STK32A: variants seen among roughly 807,000 people sequenced by gnomAD.
STK32A encodes serine/threonine kinase 32A, also known as serine/threonine-protein kinase 32A.
STK32A carries 41 observed loss-of-function variants against 53.2 expected under a neutral mutation model. The observed-to-expected ratio is 0.77, with a 90% CI of 0.60 to 1.00. STK32A has a LOEUF of 1.00. Ranked by LOEUF, STK32A falls within the 50% of genes least tolerant of loss-of-function variation. The pLI, the probability that STK32A is intolerant of heterozygous loss-of-function variation, is 0.00. For missense variants in STK32A, 458 were observed against 485.8 expected (o/e 0.94, Z 0.54); for synonymous variants, 166 against 162.8 (o/e 1.02, Z -0.15).
Position 147,278,191 on chromosome 5 carries a change from T to C in STK32A, c.108+12T>C, listed in dbSNP as rs1408741589. ...GCAGTTTTGGGAAGGTGAGAACAAA[T>C]TGAAATGATTAACCACCAGCAGGGT... On this transcript the variant is annotated intron_variant, in intron 3 of 12. Coordinates refer to ENST00000397936, the MANE Select transcript of STK32A (RefSeq NM_001112724.2). The C allele has an allele frequency of 4.4e-6, 7 of 1,588,542 alleles. No individual in the cohort carries two copies. The highest frequency in any genetic ancestry group is 5.1e-6 in the Non-Finnish European group (6 of 1,165,806).
In STK32A at chr5:147,314,522, AAAAAC is replaced by A. The variant is rs1561713486; in HGVS notation, c.261-9371_261-9367del. Among the ~76,000 whole-genome samples, 86 of 19,386 alleles carry A rather than the reference AAAAAC, an allele frequency of 4.4e-3. 11 individuals carry two copies. Among genetic ancestry groups the A allele is most frequent in the African/African-American group, 0.011 (84 of 7,530 alleles). 12.7% of individuals were successfully genotyped at this position (19,386 alleles called of 152,430 possible). On this transcript the variant is annotated intron_variant, in intron 4 of 12. Coordinates refer to ENST00000397936, the MANE Select transcript of STK32A (RefSeq NM_001112724.2). ...TCAAAAAAAACAAAAAAAAACAAAA[AAAAAC>A]AAAAAAAAAAAAAGAACAAAGATTT...
intron 2 of STK32A, among the ~76,000 whole-genome samples, chr5:147,260,201 CCTCT>C (rs1187903827): frequency 1.9e-5 from 1 of 53,144 alleles, no homozygotes; most frequent in African/African-American, 9.2e-5. Context: ...CTCTCTCTCT[CCTCT>C]CTCTCTCCTC....
At chr5:147,267,009 A>G (rs1754840964) in intron 2 of STK32A, among the ~76,000 whole-genome samples, 1 of 149,290 alleles carries the variant, frequency 6.7e-6, no homozygotes, top group Non-Finnish European at 1.5e-5. Flanking sequence ...AGCCTGGGCA[A>G]CAAGATTGAA....
At chr5:147,340,055 G>C (rs1581114263) in intron 5 of STK32A, among the ~76,000 whole-genome samples, 1 of 152,180 alleles carries the variant, frequency 6.6e-6, no homozygotes. Flanking sequence ...CGTTGCCAAG[G>C]CATTTGTAAA....
chr5:147,235,461 G>T (rs936548968), intron 1 of STK32A, among the ~76,000 whole-genome samples: 3 of 152,186 alleles, frequency 2.0e-5, no homozygotes, highest in African/African-American at 7.2e-5. Flanking sequence ...AGGTGTTTCT[G>T]CTTGTTCTCC....
chr5:147,321,387 C>A (rs1392784578), intron 4 of STK32A, among the ~76,000 whole-genome samples: 1 of 152,182 alleles, frequency 6.6e-6, no homozygotes, highest in East Asian at 1.9e-4. Flanking sequence ...TATCTTCTCT[C>A]CCTCTGAGAA....
chr5:147,237,375 C>A (rs1226280768), intron 1 of STK32A, among the ~76,000 whole-genome samples: 3 of 152,094 alleles, frequency 2.0e-5, no homozygotes, highest in African/African-American at 7.2e-5. Flanking sequence ...ATCAGTGGTT[C>A]AGTCCTTACA....
intron 4 of STK32A, among the ~76,000 whole-genome samples, chr5:147,323,091 G>A (rs760252899): frequency 2.0e-5 from 3 of 152,118 alleles, no homozygotes; most frequent in Non-Finnish European, 4.4e-5. Context: ...TTGGCACCTG[G>A]AGAACGTTTT....
chr5:147,272,179 G>C (rs1322720352), intron 2 of STK32A, among the ~76,000 whole-genome samples: 2 of 152,030 alleles, frequency 1.3e-5, no homozygotes, highest in East Asian at 3.9e-4. Flanking sequence ...CTGACACAAG[G>C]GATTTTCCTG....
intron 6 of STK32A, chr5:147,348,626 CTAAAG>C: frequency 1.4e-6 from 1 of 737,632 alleles, no homozygotes. Flanking sequence ...TCTATGCAGA[CTAAAG>C]TAGACAGTTG....
chr5:147,254,029 A>G (rs1754115775), intron 2 of STK32A, among the ~76,000 whole-genome samples: 1 of 152,056 alleles, frequency 6.6e-6, no homozygotes, highest in Non-Finnish European at 1.5e-5. Context: ...TAGATCTTAA[A>G]AACTACTCTC....
intron 4 of STK32A, among the ~76,000 whole-genome samples, chr5:147,323,158 G>C (rs762361407): frequency 6.6e-6 from 1 of 152,174 alleles, no homozygotes; most frequent in East Asian, 1.9e-4. Flanking sequence ...GAATGGGAGC[G>C]TAGGTCCAGC....
At chr5:147,258,205 G>A (rs1754327476) in intron 2 of STK32A, among the ~76,000 whole-genome samples, 1 of 127,468 alleles carries the variant, frequency 7.8e-6, no homozygotes, top group Admixed American at 8.5e-5. Context: ...AGAAATACCT[G>A]TTGTGCTTTT....
rs377161831 is a variant in STK32A, at chr5:147,252,461, A to T, written c.52+12775A>T. On this transcript the variant is annotated intron_variant, in intron 2 of 12. Transcript: ENST00000397936. ...CAGTGGGTTTTCTGGTAGTCCTGAT[A>T]TGATATCGAGGCTGTCATATAGTCC... 2.0e-5 allele frequency among the ~76,000 whole-genome samples: 3 copies of T among 152,172 alleles called. No individual in the cohort carries two copies. In the South Asian group the frequency reaches 6.2e-4, roughly 32 times the overall value.
intron 11 of STK32A, among the ~76,000 whole-genome samples, chr5:147,381,574 A>G (rs956646695): frequency 6.6e-6 from 1 of 151,532 alleles, no homozygotes; most frequent in Non-Finnish European, 1.5e-5. Context: ...ACCCAAGAGG[A>G]GGAGGTTGCA....
At chr5:147,355,666 A>G (rs1756192744) in intron 7 of STK32A, among the ~76,000 whole-genome samples, 1 of 152,084 alleles carries the variant, frequency 6.6e-6, no homozygotes, top group Non-Finnish European at 1.5e-5. Context: ...CGACAGAGCG[A>G]GATTCCGTCT....
chr5:147,387,149 T>C lies in STK32A; in HGVS notation c.*3166T>C, dbSNP rs781779547. On this transcript the variant is annotated 3_prime_UTR_variant, in exon 13 of 13. Transcript: ENST00000397936. Reference sequence around the variant, plus strand: ...CATCCCAGCTATAAGGCTCTTGCACTGTGACAGAGCTGCCCACCTCCAGTA... The same window carrying C: ...CATCCCAGCTATAAGGCTCTTGCACCGTGACAGAGCTGCCCACCTCCAGTA... 2.6e-5 allele frequency: 4 copies of C among 152,240 alleles called. No homozygotes were observed. The highest frequency in any genetic ancestry group is 1.9e-4 in the East Asian group (1 of 5,190). 9.4% of individuals were successfully genotyped at this position (152,240 alleles called of 1,614,324 possible).
the STK32A span, chr5:147,401,397 G>T: frequency 1.1e-6 from 1 of 940,936 alleles, no homozygotes; most frequent in Non-Finnish European, 1.5e-6. Context: ...CTACGCTCAA[G>T]ACTGTAAAAG....
At chr5:147,270,561 A>G (rs1193247265) in intron 2 of STK32A, among the ~76,000 whole-genome samples, 1 of 152,122 alleles carries the variant, frequency 6.6e-6, no homozygotes, top group East Asian at 1.9e-4. Context: ...TAGAAAAAAT[A>G]CTCCTGAGAT....
Sources: allele counts gnomAD v4.1 joint callset (sites outside exome capture counted in the v4.1 genomes callset), GRCh38; gene constraint gnomAD v4.1.1; transcripts MANE v1.5; gene names NCBI Gene and HGNC (gene_info 2026-07-23, HGNC 2026-07-21).